Variants in FRMD6 observed in about 807,000 individuals in gnomAD.
FRMD6 encodes the protein FERM domain-containing protein 6.
A neutral mutation model predicts 73.2 loss-of-function variants in FRMD6; 37 were observed. That is an observed-to-expected ratio of 0.51 (90% CI 0.39 to 0.66). FRMD6 has a LOEUF of 0.66. FRMD6 is among the 30% of genes least tolerant of loss of function. FRMD6 has a pLI of 0.00. For synonymous variants in FRMD6, 273 were observed against 282.2 expected (o/e 0.97, Z 0.33); for missense variants, 714 against 780.5 (o/e 0.91, Z 1.02).
chr14:51,677,963 A>T (rs1341697566), intron 1 of FRMD6, among the ~76,000 whole-genome samples: 1 of 152,132 alleles, frequency 6.6e-6, no homozygotes, highest in African/African-American at 2.4e-5. Flanking sequence ...GGTTCTGTGT[A>T]TGACAATGTG....
At chr14:51,601,773 T>C (rs1890048033) in intron 2 of FRMD6, among the ~76,000 whole-genome samples, 1 of 152,250 alleles carries the variant, frequency 6.6e-6, no homozygotes, top group Non-Finnish European at 1.5e-5. Flanking sequence ...TGCAGACAAA[T>C]GTCCCTGACT....
intron 1 of FRMD6, among the ~76,000 whole-genome samples, chr14:51,526,793 T>A (rs1297552240): frequency 6.6e-6 from 1 of 152,216 alleles, no homozygotes; most frequent in Non-Finnish European, 1.5e-5. Context: ...CCGCTTTGCC[T>A]CTCTCGTTGA....
At chr14:51,522,899 C>G (rs1255792683) in intron 1 of FRMD6, 2 of 152,150 alleles carry the variant, frequency 1.3e-5, no homozygotes, top group African/African-American at 4.8e-5. Flanking sequence ...TCAATTGGAA[C>G]AATATGGGGA....
upstream of FRMD6, among the ~76,000 whole-genome samples, chr14:51,485,566 C>G (rs770250804): frequency 1.3e-5 from 2 of 152,192 alleles, no homozygotes; most frequent in Non-Finnish European, 2.9e-5. Flanking sequence ...GTTTGAGGAA[C>G]AGTACCTGTG....
Position 51,704,737 on chromosome 14 carries a change from T to A in FRMD6, c.372-12T>A. ...ATCAAAATGTGAGTTCTGTTTTCTT[T>A]TATTTTTCTAGTGACAGAGCAGCAA... On this transcript the variant is annotated splice_polypyrimidine_tract_variant and intron_variant, in intron 5 of 13. Coordinates refer to ENST00000344768, the MANE Select transcript of FRMD6 (RefSeq NM_001267046.2). 1 of 1,598,998 alleles carries A rather than the reference T, an allele frequency of 6.3e-7. No homozygotes were observed. The highest frequency in any genetic ancestry group is 1.1e-5 in the South Asian group (1 of 90,280).
upstream of FRMD6, among the ~76,000 whole-genome samples, chr14:51,486,225 G>A (rs1484729894): frequency 6.6e-6 from 1 of 151,768 alleles, no homozygotes; most frequent in Non-Finnish European, 1.5e-5. Flanking sequence ...TAGTAGAGAC[G>A]GGGTTTCACC....
intron 1 of FRMD6, chr14:51,554,676 C>T (rs914852441): frequency 3.3e-5 from 5 of 152,172 alleles, no homozygotes; most frequent in African/African-American, 4.8e-5. Flanking sequence ...CTGGTACTCC[C>T]GAAATTGACT....
At chr14:51,468,451 T>C in the FRMD6 span, among the ~76,000 whole-genome samples, 1 of 152,258 alleles carries the variant, frequency 6.6e-6, no homozygotes, top group Non-Finnish European at 1.5e-5. Context: ...ATTTGCATAC[T>C]GTATCCTGTG....
intron 1 of FRMD6, among the ~76,000 whole-genome samples, chr14:51,489,827 G>A (rs867406557): frequency 1.3e-5 from 2 of 152,144 alleles, no homozygotes. Flanking sequence ...CCAGAAGACC[G>A]GTCCCTTTGA....
chr14:51,531,198 G>A (rs571213695), intron 1 of FRMD6, among the ~76,000 whole-genome samples: 1 of 152,220 alleles, frequency 6.6e-6, no homozygotes, highest in African/African-American at 2.4e-5. Flanking sequence ...CTTGTTAGGG[G>A]ACACATTTAA....
the FRMD6 span, among the ~76,000 whole-genome samples, chr14:51,424,403 A>G: frequency 1.3e-5 from 2 of 152,352 alleles, no homozygotes; most frequent in African/African-American, 4.8e-5. Flanking sequence ...AACCATGGCA[A>G]AAGCAAATCC....
chr14:51,486,009 G>T (rs1218602436), upstream of FRMD6, among the ~76,000 whole-genome samples: 1 of 150,952 alleles, frequency 6.6e-6, no homozygotes, highest in African/African-American at 2.4e-5. Flanking sequence ...AAGTTTGCAA[G>T]TTGGATCACT....
the FRMD6 span, among the ~76,000 whole-genome samples, chr14:51,399,632 G>A: frequency 6.6e-6 from 1 of 152,168 alleles, no homozygotes; most frequent in African/African-American, 2.4e-5. Context: ...AATAGGCTTA[G>A]CAGTACCTCC....
the FRMD6 span, among the ~76,000 whole-genome samples, chr14:51,457,369 AC>A: frequency 6.6e-6 from 1 of 152,118 alleles, no homozygotes; most frequent in African/African-American, 2.4e-5. Context: ...AAACAACAAA[AC>A]AAGAAGAAAA....
chr14:51,431,246 A>G, the FRMD6 span, among the ~76,000 whole-genome samples: 1 of 152,216 alleles, frequency 6.6e-6, no homozygotes, highest in East Asian at 1.9e-4. Context: ...AAAGTTTGCA[A>G]ACAGGAAACT....
At chr14:51,529,598 G>A (rs1466602716) in intron 1 of FRMD6, among the ~76,000 whole-genome samples, 7 of 152,108 alleles carry the variant, frequency 4.6e-5, no homozygotes, top group Non-Finnish European at 1.0e-4. Context: ...TAGTGGATCA[G>A]GAAAAAGAAC....
chr14:51,490,222 A>C (rs1248874501), intron 1 of FRMD6, among the ~76,000 whole-genome samples: 2 of 152,266 alleles, frequency 1.3e-5, no homozygotes, highest in African/African-American at 4.8e-5. Flanking sequence ...TTCTAGGTCT[A>C]CTTTTAAAAA....
chr14:51,637,119 G>T (rs1342863495), intron 2 of FRMD6, among the ~76,000 whole-genome samples: 1 of 152,112 alleles, frequency 6.6e-6, no homozygotes, highest in Non-Finnish European at 1.5e-5. Context: ...CTACGTGGGA[G>T]GCTGAAGTGG....
chr14:51,705,348 T>C (rs1896563183), intron 6 of FRMD6, among the ~76,000 whole-genome samples: 1 of 152,102 alleles, frequency 6.6e-6, no homozygotes, highest in Admixed American at 6.6e-5. Context: ...CCGGCCTCCA[T>C]GTCCTCCACT....
Sources: allele counts gnomAD v4.1 joint callset (sites outside exome capture counted in the v4.1 genomes callset), GRCh38; gene constraint gnomAD v4.1.1; transcripts MANE v1.5; gene names NCBI Gene and HGNC (gene_info 2026-07-23, HGNC 2026-07-21).